Variants in SHISA9 observed in about 807,000 individuals in gnomAD.
SHISA9 encodes shisa family member 9.
Under a neutral mutation model 38.0 loss-of-function variants are expected in SHISA9, and 13 were observed. The observed-to-expected ratio is 0.34, with a 90% CI of 0.22 to 0.54. SHISA9 has a LOEUF of 0.54. Among genes scored for constraint, SHISA9 ranks in the 20% least tolerant of loss-of-function variants. The pLI is 0.91. For missense variants in SHISA9, 538 were observed against 575.8 expected, an observed-to-expected ratio of 0.93 and a Z score of 0.67; for synonymous variants, 275 against 242.0, an observed-to-expected ratio of 1.14 and a Z score of -1.27.
chr16:13,201,245 C>T (rs2051003537), intron 2 of SHISA9, among the ~76,000 whole-genome samples: 1 of 134,488 alleles, frequency 7.4e-6, no homozygotes, highest in South Asian at 2.3e-4. Context: ...TCAGGACCCT[C>T]CAAGGATACC....
Position 13,148,065 on chromosome 16 carries a change from C to T in SHISA9, c.692-55329C>T, listed in dbSNP as rs995855151. On this transcript the variant is annotated intron_variant, in intron 2 of 4. Transcript: ENST00000558583. ...GTTCTAAACATTGGGGAGGGGTGCTCAGGACTCTGCAACTGTCTTTCCTGG... is the reference window on the plus strand; with the variant it reads ...GTTCTAAACATTGGGGAGGGGTGCTTAGGACTCTGCAACTGTCTTTCCTGG... Among the ~76,000 whole-genome samples, 6 of 152,066 alleles carry T rather than the reference C, an allele frequency of 3.9e-5. No individual in the cohort carries two copies. In the East Asian group the frequency reaches 1.2e-3, roughly 29 times the overall value.
chr16:13,259,082 G>A, the SHISA9 span, among the ~76,000 whole-genome samples: 32 of 152,172 alleles, frequency 2.1e-4, no homozygotes, highest in African/African-American at 7.2e-4. Context: ...TCGAAAGCAA[G>A]CTAGTTACTT....
At chr16:13,126,558 G>C (rs2050258352) in intron 2 of SHISA9, among the ~76,000 whole-genome samples, 1 of 143,112 alleles carries the variant, frequency 7.0e-6, no homozygotes, top group Non-Finnish European at 1.5e-5. Flanking sequence ...ACTGAGGGAG[G>C]GAGAGAGGGA....
At chr16:13,056,829 C>T (rs1056741990) in intron 2 of SHISA9, among the ~76,000 whole-genome samples, 1 of 152,198 alleles carries the variant, frequency 6.6e-6, no homozygotes, top group African/African-American at 2.4e-5. Flanking sequence ...GAAAAGGGTA[C>T]TTGAATTCAT....
rs959566808 is a variant in SHISA9 at position 13,185,015 on chromosome 16, GC to G, written c.692-18378del. Among the ~76,000 whole-genome samples, 22 of 152,148 alleles carry G rather than the reference GC, an allele frequency of 1.4e-4. No homozygotes were observed. In the South Asian group the frequency reaches 1.7e-3, roughly 11 times the overall value. On this transcript the variant is annotated intron_variant, in intron 2 of 4. Transcript: ENST00000558583. ...AAAAAGAAACTATTTTCCCAAAAGA[GC>G]TGTAGCATTTTACATTACCAACAGC...
chr16:13,144,818 T>A (rs2050432986), intron 2 of SHISA9, among the ~76,000 whole-genome samples: 1 of 152,116 alleles, frequency 6.6e-6, no homozygotes, highest in Non-Finnish European at 1.5e-5. Context: ...TGCCAAAAAA[T>A]TAAGTTTCTT....
At chr16:13,071,567 TCCTCCCTTCCTC>T (rs2073514961) in intron 2 of SHISA9, among the ~76,000 whole-genome samples, 18 of 136,666 alleles carry the variant, frequency 1.3e-4, no homozygotes, top group African/African-American at 6.2e-4. Flanking sequence ...TTTCCTTCCT[TCCTCCCTTCCTC>T]CCTTCCTTCC....
At chr16:13,359,671 G>C in the SHISA9 span, among the ~76,000 whole-genome samples, 1 of 152,072 alleles carries the variant, frequency 6.6e-6, no homozygotes, top group African/African-American at 2.4e-5. Context: ...TACCACTAGA[G>C]GTATTTATAC....
rs2051137740 is a variant in SHISA9 at position 13,213,296 on chromosome 16, A to G, written c.891A>G (p.Pro297=). 1.9e-6 allele frequency: 3 copies of G among 1,551,608 alleles called. No individual in the cohort carries two copies. Among genetic ancestry groups the G allele is most frequent in the East Asian group, 4.9e-5 (2 of 40,938 alleles). ...GGGCAGTATCGACACTTAAGTCACC[A>G]AAAGGTACTGTACAGCTTTTTCTAG... ...GDWAVSTLKS[P]KADKVNDDFY... The change falls in exon 4 of 5, where the codon CCA becomes CCG. Residue 297 remains proline, a synonymous_variant. Coordinates refer to ENST00000558583, the MANE Select transcript of SHISA9 (RefSeq NM_001145204.3).
chr16:13,057,742 T>C (rs939898170), intron 2 of SHISA9, among the ~76,000 whole-genome samples: 1 of 152,218 alleles, frequency 6.6e-6, no homozygotes, highest in Admixed American at 6.5e-5. Context: ...TTGCTGCACC[T>C]ATCAACCCAT....
At chr16:13,254,308 G>C in the SHISA9 span, among the ~76,000 whole-genome samples, 1 of 152,116 alleles carries the variant, frequency 6.6e-6, no homozygotes, top group African/African-American at 2.4e-5. Flanking sequence ...TCTATCATCT[G>C]GTCCAAAACT....
At chr16:13,300,834 C>G in the SHISA9 span, among the ~76,000 whole-genome samples, 1 of 114,514 alleles carries the variant, frequency 8.7e-6, no homozygotes, top group Non-Finnish European at 1.8e-5. Context: ...CTCCCCCCTC[C>G]CCTCCCCTCT....
intron 2 of SHISA9, among the ~76,000 whole-genome samples, chr16:13,019,507 A>G (rs77954674): frequency 0.012 from 1,766 of 151,442 alleles, 10 homozygotes; most frequent in South Asian, 0.024. Flanking sequence ...TTAACTATAC[A>G]TAATCACAAA....
the SHISA9 span, among the ~76,000 whole-genome samples, chr16:13,363,372 C>A: frequency 6.6e-6 from 1 of 152,150 alleles, no homozygotes; most frequent in Non-Finnish European, 1.5e-5. Context: ...GCACAATGAC[C>A]GGCACCTAAG....
chr16:13,116,408 T>C (rs1348112086), intron 2 of SHISA9, among the ~76,000 whole-genome samples: 1 of 152,174 alleles, frequency 6.6e-6, no homozygotes, highest in East Asian at 1.9e-4. Context: ...CCATGGTTTA[T>C]AGTATGGCAG....
At chr16:13,382,323 TTCGAGACCAGCC>T in the SHISA9 span, among the ~76,000 whole-genome samples, 1 of 149,364 alleles carries the variant, frequency 6.7e-6, no homozygotes, top group Non-Finnish European at 1.5e-5. Flanking sequence ...AGGACAGGAG[TTCGAGACCAGCC>T]TGGCCAACAT....
chr16:13,017,590 T>C (rs1274872587), intron 2 of SHISA9, among the ~76,000 whole-genome samples: 1 of 133,264 alleles, frequency 7.5e-6, no homozygotes, highest in East Asian at 2.2e-4. Flanking sequence ...TGACTGGTAT[T>C]GAGTGTCAAT....
chr16:13,305,755 A>C, the SHISA9 span, among the ~76,000 whole-genome samples: 1 of 152,312 alleles, frequency 6.6e-6, no homozygotes, highest in South Asian at 2.1e-4. Flanking sequence ...TTGATCCCTG[A>C]CCCACAGAAA....
chr16:13,452,701 C>T, the SHISA9 span, among the ~76,000 whole-genome samples: 23 of 152,154 alleles, frequency 1.5e-4, no homozygotes, highest in African/African-American at 5.3e-4. Context: ...AAGATAAAAA[C>T]CTAAGCTATT....
Sources: gnomAD v4.1 joint callset for allele counts (sites outside exome capture counted in the v4.1 genomes callset) on GRCh38, gnomAD v4.1.1 for gene constraint, MANE v1.5 for transcripts, NCBI Gene and HGNC (gene_info 2026-07-23, HGNC 2026-07-21) for gene names.